EXOC4: variants seen among roughly 807,000 people sequenced by gnomAD.
The protein encoded by EXOC4 is exocyst complex component 4, also known as SEC8-like 1.
EXOC4 carries 71 observed loss-of-function variants against 107.2 expected under a neutral mutation model. The ratio of observed to expected loss-of-function variants is 0.66; its 90% CI spans 0.55 to 0.81. The LOEUF (loss-of-function observed/expected upper bound fraction) is 0.81. Ranked by LOEUF, EXOC4 falls within the 30% of genes least tolerant of loss-of-function variation. The probability of loss-of-function intolerance (pLI) is 0.00; values close to 1 mark genes in which losing one functional copy is unlikely to be tolerated. For missense variants in EXOC4, 1,108 were observed against 1,189.6 expected, an observed-to-expected ratio of 0.93 and a Z score of 1.01; for synonymous variants, 456 against 441.2, an observed-to-expected ratio of 1.03 and a Z score of -0.42.
intron 13 of EXOC4, among the ~76,000 whole-genome samples, chr7:133,934,419 A>G (rs1166614895): frequency 6.6e-6 from 1 of 152,148 alleles, no homozygotes; most frequent in Non-Finnish European, 1.5e-5. Context: ...TCTGCTGTGT[A>G]TTCAACATGA....
rs1037678382 is a variant in EXOC4 at position 133,818,282 on chromosome 7, T to C, written c.1734+738T>C. ...ATTGAATCCTTATTGTGTTTCTTCA[T>C]TTAAGAGTAGGATGGGCACAGTCTC... On this transcript the variant is annotated intron_variant, in intron 11 of 17. Coordinates refer to ENST00000253861, the MANE Select transcript of EXOC4 (RefSeq NM_021807.4). 2.0e-5 allele frequency among the ~76,000 whole-genome samples: 3 copies of C among 152,186 alleles called. No individual in the cohort carries two copies. The East Asian group carries it at 5.8e-4, about 29-fold the overall frequency.
intron 9 of EXOC4, among the ~76,000 whole-genome samples, chr7:133,505,799 A>T (rs1799655378): frequency 6.6e-6 from 1 of 152,174 alleles, no homozygotes; most frequent in Non-Finnish European, 1.5e-5. Flanking sequence ...TGTAAAAAAA[A>T]GTTATAAATG....
intron 17 of EXOC4, among the ~76,000 whole-genome samples, chr7:134,019,297 C>T (rs1302853419): frequency 2.0e-5 from 3 of 152,102 alleles, no homozygotes; most frequent in Non-Finnish European, 2.9e-5. Context: ...GTTTTTGTAC[C>T]TAGCTTTACA....
intron 17 of EXOC4, among the ~76,000 whole-genome samples, chr7:134,029,310 C>G (rs530553785): frequency 6.6e-6 from 1 of 152,218 alleles, no homozygotes; most frequent in South Asian, 2.1e-4. Context: ...AAACATTGTG[C>G]TAAATGAAAG....
intron 7 of EXOC4, among the ~76,000 whole-genome samples, chr7:133,403,834 G>C (rs1029543802): frequency 6.6e-6 from 1 of 152,076 alleles, no homozygotes; most frequent in Non-Finnish European, 1.5e-5. Flanking sequence ...GGGAGGCTGA[G>C]GTAGGAAGGT....
At chr7:133,788,129 C>T (rs1325954297) in intron 10 of EXOC4, among the ~76,000 whole-genome samples, 1 of 149,728 alleles carries the variant, frequency 6.7e-6, no homozygotes, top group Non-Finnish European at 1.5e-5. Flanking sequence ...CCTTTGCTGG[C>T]CCCTACTCAT....
intron 2 of EXOC4, among the ~76,000 whole-genome samples, chr7:133,278,976 C>G (rs993275245): frequency 2.9e-4 from 44 of 151,918 alleles, no homozygotes; most frequent in African/African-American, 9.4e-4. Context: ...CCACTCCCCC[C>G]ACCCCACAAC....
At chr7:133,978,442 G>A (rs1474396039) in intron 14 of EXOC4, among the ~76,000 whole-genome samples, 1 of 152,206 alleles carries the variant, frequency 6.6e-6, no homozygotes, top group Non-Finnish European at 1.5e-5. Flanking sequence ...TCCTGGTCCA[G>A]TCTTCTCTGA....
chr7:133,956,384 G>T (rs2116816481), intron 14 of EXOC4, among the ~76,000 whole-genome samples: 1 of 152,300 alleles, frequency 6.6e-6, no homozygotes, highest in African/African-American at 2.4e-5. Flanking sequence ...AAGCTCTTTT[G>T]TCTGTTTTAA....
chr7:133,589,570 T>G (rs1801490693), intron 9 of EXOC4, among the ~76,000 whole-genome samples: 1 of 152,238 alleles, frequency 6.6e-6, no homozygotes, highest in African/African-American at 2.4e-5. Context: ...CTGCAGCAGA[T>G]CGGAGCACAA....
At chr7:133,883,826 A>G (rs1256905130) in intron 11 of EXOC4, among the ~76,000 whole-genome samples, 2 of 152,160 alleles carry the variant, frequency 1.3e-5, no homozygotes, top group Non-Finnish European at 2.9e-5. Flanking sequence ...CAGCTCTTGG[A>G]TGTATAGCCT....
chr7:133,359,369 A>G (rs1796090703), intron 6 of EXOC4, among the ~76,000 whole-genome samples: 3 of 152,330 alleles, frequency 2.0e-5, no homozygotes, highest in South Asian at 4.1e-4. Flanking sequence ...GCTTTTGTGC[A>G]TTGACTCTTA....
At chr7:134,087,729 G>A in the EXOC4 span, among the ~76,000 whole-genome samples, 1 of 152,082 alleles carries the variant, frequency 6.6e-6, no homozygotes, top group Admixed American at 6.6e-5. Flanking sequence ...TTAATTACAG[G>A]AAATAAACTC....
chr7:133,355,417 T>G (rs1408535226), intron 5 of EXOC4, among the ~76,000 whole-genome samples: 1 of 152,086 alleles, frequency 6.6e-6, no homozygotes, highest in Non-Finnish European at 1.5e-5. Context: ...AACGTCCTGT[T>G]TTTTTTGGCA....
At chr7:133,716,342 A>G (rs551102701) in intron 10 of EXOC4, among the ~76,000 whole-genome samples, 2 of 152,222 alleles carry the variant, frequency 1.3e-5, no homozygotes, top group Non-Finnish European at 2.9e-5. Context: ...TAGAGCTGAA[A>G]TACTTGTATA....
intron 6 of EXOC4, among the ~76,000 whole-genome samples, chr7:133,364,853 A>G (rs1386104864): frequency 2.0e-5 from 3 of 152,202 alleles, no homozygotes; most frequent in Non-Finnish European, 4.4e-5. Context: ...GAAAGCTGAA[A>G]TAATTTGACA....
intron 9 of EXOC4, among the ~76,000 whole-genome samples, chr7:133,542,530 A>G (rs896820138): frequency 6.6e-6 from 1 of 152,130 alleles, no homozygotes; most frequent in Non-Finnish European, 1.5e-5. Flanking sequence ...AGTTAGGGTA[A>G]TATTTTTAGG....
chr7:133,918,404 T>G (rs1401714054), intron 13 of EXOC4, among the ~76,000 whole-genome samples: 1 of 152,150 alleles, frequency 6.6e-6, no homozygotes, highest in Non-Finnish European at 1.5e-5. Context: ...AACATGAGAG[T>G]AAGATAAATT....
chr7:133,426,343 A>G (rs1238220480), intron 7 of EXOC4, among the ~76,000 whole-genome samples: 1 of 152,222 alleles, frequency 6.6e-6, no homozygotes, highest in African/African-American at 2.4e-5. Flanking sequence ...GAGCAAGTAA[A>G]TATTTTCTTA....
Sources: allele counts gnomAD v4.1 joint callset (sites outside exome capture counted in the v4.1 genomes callset), GRCh38; gene constraint gnomAD v4.1.1; transcripts MANE v1.5; gene names NCBI Gene and HGNC (gene_info 2026-07-23, HGNC 2026-07-21).